SEZ6L: variants seen among roughly 807,000 people sequenced by gnomAD.
The protein encoded by SEZ6L is seizure related 6 homolog like.
A neutral mutation model predicts 106.2 loss-of-function variants in SEZ6L; 37 were observed. The ratio of observed to expected loss-of-function variants is 0.35; its 90% confidence interval spans 0.27 to 0.46. The LOEUF is 0.46. Among genes scored for constraint, SEZ6L ranks in the 20% least tolerant of loss-of-function variants. The probability of loss-of-function intolerance (pLI) is 1.00; values close to 1 mark genes in which losing one functional copy is unlikely to be tolerated. For synonymous variants in SEZ6L, 541 were observed against 570.4 expected, an observed-to-expected ratio of 0.95 and a Z score of 0.73; for missense variants, 1,172 against 1,332.8, an observed-to-expected ratio of 0.88 and a Z score of 1.88.
In SEZ6L at chr22:26,377,687, C is replaced by T; in HGVS notation, c.2957C>T (p.Ser986Phe). The T allele has an allele frequency of 1.9e-6, 3 of 1,613,644 alleles. No individual in the cohort carries two copies. The highest frequency in any genetic ancestry group is 2.5e-6 in the Non-Finnish European group (3 of 1,179,666). ...YIYITRCRYYSNLRLPLMYSH... is the reference protein window; with the variant it reads ...YIYITRCRYYFNLRLPLMYSH... ...CTTTCCCCCAGATGTCGCTACTATT[C>T]CAACCTCCGCCTGCCTCTGATGTAC... Residue 986 changes from serine to phenylalanine, a missense_variant, in exon 16 of 17, where the codon TCC becomes TTC. By Grantham distance (155) the Ser-to-Phe change is radical (BLOSUM62 -2). This residue lies in a region of SEZ6L where 141 missense variants were observed against 176.0 expected (regional missense o/e 0.80). Transcript: ENST00000248933.
intron 1 of SEZ6L, among the ~76,000 whole-genome samples, chr22:26,192,593 G>A (rs1332169724): frequency 6.6e-6 from 1 of 152,144 alleles, no homozygotes; most frequent in Non-Finnish European, 1.5e-5. Flanking sequence ...TGTTGTGGAG[G>A]CATTTAATTT....
chr22:26,326,987 T>C (rs2082324780), intron 9 of SEZ6L, among the ~76,000 whole-genome samples: 1 of 152,168 alleles, frequency 6.6e-6, no homozygotes, highest in African/African-American at 2.4e-5. Flanking sequence ...GTGTGGAGTT[T>C]CCTGGGGGTG....
chr22:26,213,702 G>A (rs2078223569), intron 1 of SEZ6L, among the ~76,000 whole-genome samples: 1 of 152,180 alleles, frequency 6.6e-6, no homozygotes. Context: ...GCTGAGGCAG[G>A]AAGATGGCTT....
chr22:26,217,444 T>C (rs1052390169), intron 1 of SEZ6L, among the ~76,000 whole-genome samples: 7 of 152,226 alleles, frequency 4.6e-5, no homozygotes, highest in Admixed American at 3.3e-4. Context: ...TTCCTAAACA[T>C]TTCTGTAAAC....
chr22:26,220,823 G>T (rs541325398), intron 1 of SEZ6L, among the ~76,000 whole-genome samples: 176 of 152,218 alleles, frequency 1.2e-3, no homozygotes, highest in African/African-American at 4.0e-3. Context: ...ATGAATAAAA[G>T]AATGGATGAA....
chr22:26,333,089 G>T (rs1345550758), intron 9 of SEZ6L, among the ~76,000 whole-genome samples: 5 of 152,346 alleles, frequency 3.3e-5, no homozygotes, highest in East Asian at 1.9e-4. Flanking sequence ...TGTTTCCACT[G>T]CCCTGAGAAA....
chr22:26,322,701 G>A (rs1379204197), intron 9 of SEZ6L, among the ~76,000 whole-genome samples: 3 of 152,130 alleles, frequency 2.0e-5, no homozygotes, highest in Non-Finnish European at 4.4e-5. Context: ...ACAACCATCT[G>A]CCCCACATTG....
intron 1 of SEZ6L, among the ~76,000 whole-genome samples, chr22:26,195,784 T>A (rs182536068): frequency 0.022 from 3,353 of 151,166 alleles, 121 homozygotes; most frequent in African/African-American, 0.077. Flanking sequence ...ATATATATAG[T>A]GTGTGTATAT....
intron 1 of SEZ6L, among the ~76,000 whole-genome samples, chr22:26,214,921 A>C (rs965583420): frequency 1.3e-5 from 2 of 152,122 alleles, no homozygotes; most frequent in Non-Finnish European, 2.9e-5. Flanking sequence ...ATACATTTAG[A>C]GTGCCTGGCA....
intron 1 of SEZ6L, among the ~76,000 whole-genome samples, chr22:26,171,238 G>A (rs189036430): frequency 2.4e-3 from 362 of 152,246 alleles, no homozygotes; most frequent in African/African-American, 8.2e-3. Flanking sequence ...CACCAGGTCT[G>A]GACAGTTTCT....
intron 16 of SEZ6L, among the ~76,000 whole-genome samples, chr22:26,378,193 T>C (rs2084295169): frequency 2.0e-5 from 3 of 152,206 alleles, no homozygotes; most frequent in South Asian, 2.1e-4. Flanking sequence ...TGAACCCCAA[T>C]AGACACAGAT....
chr22:26,318,565 A>G (rs996336984), intron 9 of SEZ6L, among the ~76,000 whole-genome samples: 2 of 152,226 alleles, frequency 1.3e-5, no homozygotes, highest in Non-Finnish European at 2.9e-5. Flanking sequence ...TAAGGTCTTT[A>G]CTAACATTAA....
chr22:26,246,496 G>A (rs1024806285), intron 1 of SEZ6L, among the ~76,000 whole-genome samples: 11 of 151,754 alleles, frequency 7.2e-5, no homozygotes, highest in Non-Finnish European at 1.2e-4. Flanking sequence ...TCTCATATTC[G>A]TCTCAGTGGA....
chr22:26,344,387 G>T (rs2082941828), intron 10 of SEZ6L, among the ~76,000 whole-genome samples: 1 of 152,164 alleles, frequency 6.6e-6, no homozygotes, highest in Admixed American at 6.5e-5. Flanking sequence ...AGAAGACGTT[G>T]GTTATTTGTC....
At chr22:26,264,989 G>A (rs2080129762) in intron 1 of SEZ6L, among the ~76,000 whole-genome samples, 1 of 152,184 alleles carries the variant, frequency 6.6e-6, no homozygotes, top group Non-Finnish European at 1.5e-5. Context: ...AGGCTACGGT[G>A]CATTCATATT....
intron 1 of SEZ6L, among the ~76,000 whole-genome samples, chr22:26,205,398 C>T (rs1941223561): frequency 6.6e-6 from 1 of 152,120 alleles, no homozygotes; most frequent in Non-Finnish European, 1.5e-5. Context: ...TCCTCTTCTC[C>T]TCCTTTGTGT....
chr22:26,190,956 A>C (rs1440452390), intron 1 of SEZ6L, among the ~76,000 whole-genome samples: 1 of 152,264 alleles, frequency 6.6e-6, no homozygotes, highest in Non-Finnish European at 1.5e-5. Flanking sequence ...GCTTGCATCC[A>C]GACCCAACAC....
intron 3 of SEZ6L, among the ~76,000 whole-genome samples, chr22:26,296,269 C>A (rs1019342022): frequency 1.3e-5 from 2 of 152,294 alleles, no homozygotes; most frequent in East Asian, 3.9e-4. Context: ...GCAGTTGTAG[C>A]CACCACTGGG....
chr22:26,328,301 TATAA>T (rs991744006), intron 9 of SEZ6L, among the ~76,000 whole-genome samples: 7 of 152,304 alleles, frequency 4.6e-5, no homozygotes, highest in Middle Eastern at 3.4e-3. Context: ...CCTAGTTCCT[TATAA>T]ATAGTTTTTG....
Sources: gnomAD v4.1 joint callset for allele counts (sites outside exome capture counted in the v4.1 genomes callset) on GRCh38, gnomAD v4.1.1 for gene constraint, gnomAD v4.1.1 regional missense constraint, MANE v1.5 for transcripts, NCBI Gene and HGNC (gene_info 2026-07-23, HGNC 2026-07-21) for gene names.